ATP8A2: variants seen among roughly 807,000 people sequenced by gnomAD.
The protein encoded by ATP8A2 is phospholipid-transporting ATPase IB.
A neutral mutation model predicts 165.6 loss-of-function variants in ATP8A2; 100 were observed. The observed-to-expected ratio is 0.60, with a 90% CI of 0.51 to 0.71. ATP8A2 has a LOEUF of 0.71. Among genes scored for constraint, ATP8A2 ranks in the 30% least tolerant of loss-of-function variants. The pLI is 0.00. For synonymous variants in ATP8A2, 543 were observed against 548.8 expected (o/e 0.99, Z 0.15); for missense variants, 1,227 against 1,479.5 (o/e 0.83, Z 2.80).
chr13:25,604,115 A>T (rs1398834085), intron 24 of ATP8A2, among the ~76,000 whole-genome samples: 1 of 152,100 alleles, frequency 6.6e-6, no homozygotes, highest in Admixed American at 6.6e-5. Flanking sequence ...AAATATGGCC[A>T]TTGAGGTAAG....
At chr13:25,483,167 T>C (rs1044688830) in intron 2 of ATP8A2, among the ~76,000 whole-genome samples, 1 of 152,222 alleles carries the variant, frequency 6.6e-6, no homozygotes, top group Non-Finnish European at 1.5e-5. Flanking sequence ...GCTATACTGC[T>C]GCAGGAGAAG....
rs1566153419 is a variant in ATP8A2 at position 25,465,723 on chromosome 13, CTTT to C, written c.77-3253_77-3251del. On this transcript the variant is annotated intron_variant, in intron 1 of 36. Coordinates refer to ENST00000381655, the MANE Select transcript of ATP8A2 (RefSeq NM_016529.6). ...TCTTTCTTTCTTTCTTTCTTTCTTT[CTTT>C]CTTTCTTTCTTTCCCTCCCTCCCTC... Among the ~76,000 whole-genome samples the C allele has an allele frequency of 4.7e-3, 225 of 47,436 alleles. 15 individuals are homozygous for C. The highest frequency in any genetic ancestry group is 0.015 in the African/African-American group (182 of 12,130). The allele number at this position is 47,436 out of a possible 152,430, so 31.1% of individuals were successfully genotyped here. A position where few individuals can be genotyped will look rare whatever the true frequency, so the allele number is the denominator to read the frequency against.
chr13:25,514,243 G>T (rs1188385856), intron 2 of ATP8A2, among the ~76,000 whole-genome samples: 1 of 152,014 alleles, frequency 6.6e-6, no homozygotes, highest in African/African-American at 2.4e-5. Context: ...CTTGTTTCAT[G>T]TGAATGTGTT....
At chr13:25,687,351 G>A (rs2042623930) in intron 24 of ATP8A2, among the ~76,000 whole-genome samples, 1 of 152,208 alleles carries the variant, frequency 6.6e-6, no homozygotes, top group Admixed American at 6.5e-5. Context: ...AAGAGCAAGT[G>A]ACAGCTGCCG....
chr13:25,983,420 A>G (rs1956210980), intron 35 of ATP8A2, among the ~76,000 whole-genome samples: 1 of 152,216 alleles, frequency 6.6e-6, no homozygotes. Flanking sequence ...GTCTTCTACA[A>G]ACCATTAACC....
chr13:25,583,217 A>G lies in ATP8A2; in HGVS notation c.2146+1260A>G, dbSNP rs112629340. Among the ~76,000 whole-genome samples the G allele has an allele frequency of 1.3e-3, 198 of 152,300 alleles. 3 individuals carry two copies. The highest frequency in any genetic ancestry group is 4.5e-3 in the African/African-American group (186 of 41,538). ...TTGTATGCTATATTTCTGTATAAGT[A>G]TATACATTGACCCTTTATGTGTTAT... is the stretch of plus-strand genomic sequence containing the variant. On this transcript the variant is annotated intron_variant, in intron 23 of 36. Coordinates refer to ENST00000381655, the MANE Select transcript of ATP8A2 (RefSeq NM_016529.6).
intron 35 of ATP8A2, among the ~76,000 whole-genome samples, chr13:25,990,452 T>C (rs1956368167): frequency 1.3e-5 from 2 of 151,910 alleles, no homozygotes. Context: ...CTGAGTGAAC[T>C]GAGGGAGAGA....
intron 33 of ATP8A2, among the ~76,000 whole-genome samples, chr13:25,929,838 A>T (rs578085786): frequency 7.2e-5 from 11 of 152,214 alleles, no homozygotes; most frequent in African/African-American, 2.6e-4. Context: ...AAAAACCCAA[A>T]ATCCAAACCT....
At chr13:25,638,014 C>A (rs2041416376) in intron 24 of ATP8A2, among the ~76,000 whole-genome samples, 1 of 152,196 alleles carries the variant, frequency 6.6e-6, no homozygotes, top group Admixed American at 6.5e-5. Context: ...AGTGGACCTC[C>A]AGCAAACTCC....
intron 33 of ATP8A2, among the ~76,000 whole-genome samples, chr13:25,923,992 T>A (rs1954530209): frequency 6.6e-6 from 1 of 152,210 alleles, no homozygotes; most frequent in Admixed American, 6.5e-5. Context: ...GGATAATTCT[T>A]TTCCAAATAG....
chr13:25,451,508 C>G (rs1191694408), intron 1 of ATP8A2, among the ~76,000 whole-genome samples: 2 of 152,098 alleles, frequency 1.3e-5, no homozygotes, highest in Admixed American at 1.3e-4. Flanking sequence ...CTAGTCTATA[C>G]CTCCTTACAC....
intron 27 of ATP8A2, among the ~76,000 whole-genome samples, chr13:25,825,145 CTTTTTTTTTTTTT>C (rs60778003): frequency 2.5e-4 from 7 of 27,510 alleles, no homozygotes; most frequent in Admixed American, 7.1e-4. Context: ...TATGTGTTTG[CTTTTTTTTTTTTT>C]TTTTTTTTTT....
chr13:25,466,680 A>G (rs952873494), intron 1 of ATP8A2, among the ~76,000 whole-genome samples: 7 of 152,232 alleles, frequency 4.6e-5, no homozygotes, highest in African/African-American at 1.7e-4. Context: ...ACAGAATCTG[A>G]GAGGGCAGGG....
intron 25 of ATP8A2, among the ~76,000 whole-genome samples, chr13:25,768,719 T>C (rs2044548992): frequency 6.6e-6 from 1 of 152,202 alleles, no homozygotes; most frequent in South Asian, 2.1e-4. Context: ...CGAAGACCCC[T>C]GTAACTAGAC....
rs1243698897 is a variant in ATP8A2, at chr13:25,860,876, A to G, written c.3075+16A>G. ...TTGGACTAAAGTAAGTTTTCTCTAG[A>G]ATTGTTTCTCTGTTCAGTATAGATA... is the stretch of plus-strand genomic sequence containing the variant. On this transcript the variant is annotated intron_variant, in intron 32 of 36. Transcript: ENST00000381655. The G allele has an allele frequency of 6.4e-7, 1 of 1,555,782 alleles. No homozygotes were observed. Among genetic ancestry groups the G allele is most frequent in the African/African-American group, 1.4e-5 (1 of 73,982 alleles).
chr13:25,887,023 G>T (rs12865494), intron 33 of ATP8A2, among the ~76,000 whole-genome samples: 21,857 of 152,118 alleles, frequency 0.14, 1,851 homozygotes, highest in Non-Finnish European at 0.2. Flanking sequence ...AAACATCCAT[G>T]CTGTGTGACT....
At chr13:25,937,209 A>G (rs1954915880) in intron 33 of ATP8A2, among the ~76,000 whole-genome samples, 1 of 152,104 alleles carries the variant, frequency 6.6e-6, no homozygotes, top group Non-Finnish European at 1.5e-5. Context: ...ATTAAATGCC[A>G]TACAAAAACG....
intron 2 of ATP8A2, among the ~76,000 whole-genome samples, chr13:25,496,803 T>G (rs1176815228): frequency 6.6e-6 from 1 of 152,210 alleles, no homozygotes; most frequent in Admixed American, 6.5e-5. Context: ...GGTCACATTT[T>G]GGATTAATGC....
At chr13:25,455,861 T>C (rs1432471393) in intron 1 of ATP8A2, among the ~76,000 whole-genome samples, 1 of 152,250 alleles carries the variant, frequency 6.6e-6, no homozygotes, top group Admixed American at 6.5e-5. Context: ...TGTACAAGTT[T>C]CCACTACTAG....
Sources: gnomAD v4.1 joint callset for allele counts (sites outside exome capture counted in the v4.1 genomes callset) on GRCh38, gnomAD v4.1.1 for gene constraint, MANE v1.5 for transcripts, NCBI Gene and HGNC (gene_info 2026-07-23, HGNC 2026-07-21) for gene names.